MCC: variants seen among roughly 807,000 people sequenced by gnomAD.
MCC encodes MCC regulator of Wnt signaling pathway, also known as colorectal mutant cancer protein.
MCC carries 90 observed loss-of-function variants against 116.2 expected under a neutral mutation model. That is an observed-to-expected ratio of 0.77 (90% CI 0.65 to 0.92). MCC has a LOEUF of 0.92. MCC is among the 40% of genes least tolerant of loss of function. MCC has a pLI of 0.00. For synonymous variants in MCC, 578 were observed against 510.5 expected (o/e 1.13, Z -1.78); for missense variants, 1,516 against 1,312.2 (o/e 1.16, Z -2.40).
chr5:113,097,196 C>T (rs1756077230), intron 8 of MCC, among the ~76,000 whole-genome samples: 1 of 152,098 alleles, frequency 6.6e-6, no homozygotes, highest in Non-Finnish European at 1.5e-5. Context: ...CTCCATAATC[C>T]ATACTTTTTT....
chr5:113,440,309 G>T (rs1770996698), intron 1 of MCC, among the ~76,000 whole-genome samples: 1 of 151,050 alleles, frequency 6.6e-6, no homozygotes, highest in African/African-American at 2.5e-5. Context: ...AGAATCTGAG[G>T]CTCTTTATCA....
chr5:113,386,814 T>TACACAC (rs1769270222), intron 1 of MCC, among the ~76,000 whole-genome samples: 2 of 149,712 alleles, frequency 1.3e-5, no homozygotes, highest in Admixed American at 6.7e-5. Flanking sequence ...CATATACACA[T>TACACAC]ACACATATAT....
chr5:113,098,200 C>T (rs1222710196), intron 8 of MCC, among the ~76,000 whole-genome samples: 3 of 152,314 alleles, frequency 2.0e-5, no homozygotes, highest in South Asian at 2.1e-4. Flanking sequence ...CACATCATGG[C>T]TGACTTAAAC....
intron 6 of MCC, among the ~76,000 whole-genome samples, chr5:113,109,858 G>A (rs1756986614): frequency 6.6e-6 from 1 of 152,190 alleles, no homozygotes; most frequent in Non-Finnish European, 1.5e-5. Context: ...TAAGGACAAG[G>A]GGGAGTAATG....
chr5:113,365,564 T>C (rs1318712047), intron 2 of MCC, among the ~76,000 whole-genome samples: 1 of 152,242 alleles, frequency 6.6e-6, no homozygotes, highest in Non-Finnish European at 1.5e-5. Context: ...GTTCCAAAGC[T>C]ACTTCCACAT....
chr5:113,434,530 T>C lies in MCC; in HGVS notation c.171-49318A>G. The C allele has an allele frequency of 1.2e-6, 2 of 1,612,320 alleles. No homozygotes were observed. Among genetic ancestry groups the C allele is most frequent in the Non-Finnish European group, 1.7e-6 (2 of 1,178,740 alleles). ...TCGTCCTCATGCAGGGCTCCCCGGG[T>C]TTTGATTAACTCGAGGAGGTCGCCC... On this transcript the variant is annotated intron_variant, in intron 1 of 18. Coordinates refer to ENST00000408903, the MANE Select transcript of MCC (RefSeq NM_001085377.2). The surrounding 1 kb of genome is among the most constrained non-coding windows in gnomAD (Gnocchi z 4.2).
chr5:113,468,247 C>A (rs1771972241), intron 1 of MCC, among the ~76,000 whole-genome samples: 1 of 152,102 alleles, frequency 6.6e-6, no homozygotes, highest in Non-Finnish European at 1.5e-5. Context: ...AGAGGGCATC[C>A]CTGTCTTGTG....
chr5:113,039,579 C>A (rs1350612501), intron 17 of MCC, among the ~76,000 whole-genome samples: 1 of 152,174 alleles, frequency 6.6e-6, no homozygotes, highest in Non-Finnish European at 1.5e-5. Flanking sequence ...CACTCATCGG[C>A]AAGCAAGCCC....
intron 3 of MCC, among the ~76,000 whole-genome samples, chr5:113,158,552 TA>T (rs1760302908): frequency 6.6e-6 from 1 of 152,192 alleles, no homozygotes; most frequent in Non-Finnish European, 1.5e-5. Flanking sequence ...ATAATATTAA[TA>T]GTTACCGTTT....
intron 12 of MCC, among the ~76,000 whole-genome samples, chr5:113,068,849 G>C (rs914834932): frequency 1.3e-4 from 20 of 152,190 alleles, no homozygotes; most frequent in Admixed American, 1.2e-3. Flanking sequence ...CTGGCTGACA[G>C]CTTGACCAGA....
chr5:113,208,107 T>C (rs1762984051), intron 3 of MCC, among the ~76,000 whole-genome samples: 1 of 152,150 alleles, frequency 6.6e-6, no homozygotes, highest in South Asian at 2.1e-4. Flanking sequence ...ACTGACCTGG[T>C]AGCCAAATGA....
chr5:113,474,996 A>C (rs1344454400), intron 1 of MCC, among the ~76,000 whole-genome samples: 1 of 152,236 alleles, frequency 6.6e-6, no homozygotes, highest in Non-Finnish European at 1.5e-5. Context: ...AATTTTATAA[A>C]TAAATGCAGA....
At chr5:113,252,327 A>G (rs1433265724) in intron 3 of MCC, among the ~76,000 whole-genome samples, 1 of 152,218 alleles carries the variant, frequency 6.6e-6, no homozygotes, top group Non-Finnish European at 1.5e-5. Flanking sequence ...CTGTATTTAC[A>G]GCTGCTCCCC....
chr5:113,113,993 G>A (rs762332913), intron 6 of MCC, among the ~76,000 whole-genome samples: 12 of 140,748 alleles, frequency 8.5e-5, no homozygotes, highest in Non-Finnish European at 1.5e-4. Flanking sequence ...TGAAGGTACT[G>A]TGTTTATTAT....
At chr5:113,111,223 G>C (rs1757074187) in intron 6 of MCC, among the ~76,000 whole-genome samples, 1 of 152,160 alleles carries the variant, frequency 6.6e-6, no homozygotes, top group African/African-American at 2.4e-5. Flanking sequence ...TAGACGAGGA[G>C]GGAAACAGGT....
At chr5:113,118,899 T>A (rs901305071) in intron 6 of MCC, among the ~76,000 whole-genome samples, 3 of 152,212 alleles carry the variant, frequency 2.0e-5, no homozygotes. Context: ...GAGCTGCCCC[T>A]GCCCGGTGCA....
chr5:113,333,822 T>TATACGTAC (rs1561527768), intron 3 of MCC, among the ~76,000 whole-genome samples: 12 of 81,022 alleles, frequency 1.5e-4, no homozygotes, highest in Non-Finnish European at 2.5e-4. Context: ...TATATGTACA[T>TATACGTAC]ATATGTATAT....
At chr5:113,119,951 A>G (rs920046000) in intron 6 of MCC, among the ~76,000 whole-genome samples, 9 of 152,232 alleles carry the variant, frequency 5.9e-5, no homozygotes, top group Admixed American at 1.3e-4. Flanking sequence ...TCAAGTCAGG[A>G]GGTCCAAGAA....
intron 3 of MCC, among the ~76,000 whole-genome samples, chr5:113,178,924 T>TTTA (rs554239728): frequency 2.4e-5 from 1 of 41,762 alleles, no homozygotes; most frequent in Admixed American, 3.3e-4. Flanking sequence ...AAAAAAATCT[T>TTTA]ATAATATTTA....
Sources: allele counts gnomAD v4.1 joint callset (sites outside exome capture counted in the v4.1 genomes callset), GRCh38; gene constraint gnomAD v4.1.1; non-coding constraint Gnocchi (gnomAD v3.1); transcripts MANE v1.5; gene names NCBI Gene and HGNC (gene_info 2026-07-23, HGNC 2026-07-21).